PLCB4: variants seen among roughly 807,000 people sequenced by gnomAD.
PLCB4 encodes the protein 1-phosphatidylinositol 4,5-bisphosphate phosphodiesterase beta-4.
PLCB4 carries 77 observed loss-of-function variants against 178.8 expected under a neutral mutation model. The ratio of observed to expected loss-of-function variants is 0.43; its 90% confidence interval spans 0.36 to 0.52. The LOEUF is 0.52. PLCB4 is among the 20% of genes least tolerant of loss of function. PLCB4 has a pLI of 0.00. For missense variants in PLCB4, 1,024 were observed against 1,453.4 expected (o/e 0.70, Z 4.80); for synonymous variants, 496 against 490.8 (o/e 1.01, Z -0.14).
intron 30 of PLCB4, among the ~76,000 whole-genome samples, chr20:9,440,596 T>G (rs1029760926): frequency 1.6e-4 from 25 of 152,224 alleles, no homozygotes; most frequent in African/African-American, 5.8e-4. Context: ...TCCACTACAT[T>G]CTGTCATCCC....
chr20:9,322,117 ATTTTTTTT>A (rs749496709), intron 4 of PLCB4, among the ~76,000 whole-genome samples: 2 of 116,600 alleles, frequency 1.7e-5, no homozygotes, highest in African/African-American at 3.7e-5. Flanking sequence ...CACCCAGGTA[ATTTTTTTT>A]TTTTTTTTTT....
intron 4 of PLCB4, among the ~76,000 whole-genome samples, chr20:9,334,016 C>T (rs2032082416): frequency 6.6e-6 from 1 of 152,098 alleles, no homozygotes; most frequent in South Asian, 2.1e-4. Flanking sequence ...GAGGATGGGG[C>T]TGCTCTTACA....
At chr20:9,195,094 C>T (rs1601060093) in intron 2 of PLCB4, among the ~76,000 whole-genome samples, 1 of 152,238 alleles carries the variant, frequency 6.6e-6, no homozygotes, top group East Asian at 1.9e-4. Flanking sequence ...ACAAACAAAG[C>T]CTAATAATTC....
At chr20:9,252,274 A>C (rs2094189343) in intron 3 of PLCB4, among the ~76,000 whole-genome samples, 2 of 152,182 alleles carry the variant, frequency 1.3e-5, no homozygotes. Flanking sequence ...GGTCCTCACT[A>C]CTCAAAGTGT....
intron 28 of PLCB4, 60 bp downstream of exon 28, chr20:9,424,012 TA>T (rs1460359246): frequency 8.2e-6 from 9 of 1,092,578 alleles, no homozygotes; most frequent in Non-Finnish European, 1.2e-5. Context: ...TATAAGATTA[TA>T]AAACATCTTG....
chr20:9,442,779 T>C (rs896864154), intron 30 of PLCB4, among the ~76,000 whole-genome samples: 1 of 152,144 alleles, frequency 6.6e-6, no homozygotes, highest in Non-Finnish European at 1.5e-5. Flanking sequence ...CCATGGACCC[T>C]TTATACCCCG....
intron 23 of PLCB4, 139 bp from the exon 24 acceptor site, chr20:9,408,918 C>T: frequency 2.5e-6 from 2 of 803,786 alleles, no homozygotes; most frequent in South Asian, 3.2e-5. Context: ...TCTTAAGCAT[C>T]ATTTGTAAAT....
intron 25 of PLCB4, among the ~76,000 whole-genome samples, chr20:9,413,516 G>A (rs1022841546): frequency 2.0e-5 from 3 of 151,884 alleles, no homozygotes; most frequent in African/African-American, 7.3e-5. Context: ...AAAATTAGCC[G>A]GGCGTGGTGG....
intron 35 of PLCB4, among the ~76,000 whole-genome samples, chr20:9,465,820 G>A (rs1171761270): frequency 6.6e-6 from 1 of 152,188 alleles, no homozygotes; most frequent in Admixed American, 6.5e-5. Context: ...CCATGCTCAT[G>A]GATAGGAAGA....
chr20:9,388,115 G>A (rs1402066647), intron 15 of PLCB4, among the ~76,000 whole-genome samples: 1 of 152,152 alleles, frequency 6.6e-6, no homozygotes, highest in Non-Finnish European at 1.5e-5. Flanking sequence ...GCACATGCCT[G>A]TAATCTCAGC....
chr20:9,110,642 TCTTTTATAGCTGGC>T (rs1034330027), intron 2 of PLCB4, among the ~76,000 whole-genome samples: 9 of 152,162 alleles, frequency 5.9e-5, no homozygotes, highest in African/African-American at 9.7e-5. Flanking sequence ...TGACTACGTT[TCTTTTATAGCTGGC>T]CTTTTATAGA....
intron 3 of PLCB4, among the ~76,000 whole-genome samples, chr20:9,219,391 C>A (rs765357644): frequency 6.6e-6 from 1 of 152,142 alleles, no homozygotes; most frequent in Non-Finnish European, 1.5e-5. Context: ...ATGGCATGAA[C>A]CCAGGAGGCG....
At chr20:9,183,189 G>T (rs1196061568) in intron 2 of PLCB4, among the ~76,000 whole-genome samples, 1 of 152,070 alleles carries the variant, frequency 6.6e-6, no homozygotes, top group Non-Finnish European at 1.5e-5. Flanking sequence ...GAAGCCTGGG[G>T]CTCACCTATC....
chr20:9,469,862 A>T (rs1386783081), intron 36 of PLCB4, among the ~76,000 whole-genome samples: 1 of 152,190 alleles, frequency 6.6e-6, no homozygotes, highest in Non-Finnish European at 1.5e-5. Context: ...CCCAGCGATC[A>T]CCAGTGCTGC....
chr20:9,178,732 C>T (rs2147078297), intron 2 of PLCB4, among the ~76,000 whole-genome samples: 1 of 151,844 alleles, frequency 6.6e-6, no homozygotes, highest in East Asian at 1.9e-4. Context: ...TAAATTTAAA[C>T]TTAAAATTCT....
chr20:9,078,103 C>A (rs1366900168), intron 1 of PLCB4, among the ~76,000 whole-genome samples: 4 of 151,920 alleles, frequency 2.6e-5, no homozygotes, highest in African/African-American at 9.7e-5. Context: ...GCCTCAGACT[C>A]TCGAGTAGTT....
intron 2 of PLCB4, among the ~76,000 whole-genome samples, chr20:9,098,682 T>C (rs914265122): frequency 3.3e-5 from 5 of 150,816 alleles, no homozygotes; most frequent in Non-Finnish European, 7.4e-5. Context: ...TATATATACA[T>C]ATGTACGTAT....
intron 2 of PLCB4, among the ~76,000 whole-genome samples, chr20:9,115,488 T>C (rs2091745118): frequency 1.3e-5 from 2 of 151,730 alleles, no homozygotes; most frequent in South Asian, 2.1e-4. Flanking sequence ...GCAGGTTTGT[T>C]ACATATGTAT....
intron 25 of PLCB4, among the ~76,000 whole-genome samples, chr20:9,414,314 A>T (rs1260538421): frequency 6.6e-6 from 1 of 152,160 alleles, no homozygotes. Context: ...AGTGACAGGG[A>T]AAAGAGAAGA....
Sources: allele counts gnomAD v4.1 joint callset (sites outside exome capture counted in the v4.1 genomes callset), GRCh38; gene constraint gnomAD v4.1.1; transcripts MANE v1.5; gene names NCBI Gene and HGNC (gene_info 2026-07-23, HGNC 2026-07-21).